MTAP: variants seen among roughly 807,000 people sequenced by gnomAD.
The protein encoded by MTAP is methylthioadenosine phosphorylase, also known as S-methyl-5'-thioadenosine phosphorylase.
Under a neutral mutation model 33.6 loss-of-function variants are expected in MTAP, and 33 were observed. That is an observed-to-expected ratio of 0.98 (90% CI 0.74 to 1.31). MTAP has a LOEUF of 1.31. Among genes scored for constraint, MTAP ranks in the 40% most tolerant of loss-of-function variants. MTAP has a pLI of 0.00. For synonymous variants in MTAP, 148 were observed against 125.7 expected (o/e 1.18, Z -1.19); for missense variants, 367 against 360.0 (o/e 1.02, Z -0.16).
chr9:21,861,681 C>T (rs1480215633), intron 7 of MTAP: 1 of 401,674 alleles, frequency 2.5e-6, no homozygotes, highest in East Asian at 4.8e-5. Flanking sequence ...GTTGCATAAA[C>T]AATAATCCAG....
Position 21,930,931 on chromosome 9 carries a change from G to A in MTAP, c.148-77G>A. 10 of 668,144 alleles carry A rather than the reference G, an allele frequency of 1.5e-5. No homozygotes were observed. In the South Asian group the frequency reaches 1.7e-4, roughly 11 times the overall value. The allele number at this position is 668,144 out of a possible 1,614,324, so 41.4% of individuals were successfully genotyped here. A position where few individuals can be genotyped will look rare whatever the true frequency, so the allele number is the denominator to read the frequency against. ...CTTCCCTTTTTAGGCCCACATGTTA[G>A]CCTCTACTTTTGCTCCTTTCAGTCC... On this transcript the variant is annotated intron_variant, in intron 1 of 1. Coordinates refer to the MTAP transcript ENST00000577563.
intron 1 of MTAP, among the ~76,000 whole-genome samples, chr9:21,918,931 A>G (rs796641743): frequency 3.0e-4 from 45 of 152,324 alleles, no homozygotes; most frequent in African/African-American, 1.0e-3. Flanking sequence ...GACTAATAAA[A>G]TGATACCTGT....
intron 1 of MTAP, among the ~76,000 whole-genome samples, chr9:21,920,147 C>G (rs886096779): frequency 2.6e-5 from 4 of 152,008 alleles, no homozygotes; most frequent in African/African-American, 9.7e-5. Flanking sequence ...GAGCGAAAAT[C>G]ATAGAGAAAT....
rs1234156338 is a variant in MTAP, at chr9:21,918,070, G to A, written c.148-12938G>A. ...TGCAAAGGCATAAGAGTGATTAATGGGCCGGGCGCGGTGGCTCCGCCTGTA... is the reference window on the plus strand; with the variant it reads ...TGCAAAGGCATAAGAGTGATTAATGAGCCGGGCGCGGTGGCTCCGCCTGTA... On this transcript the variant is annotated intron_variant, in intron 1 of 1. Transcript: ENST00000577563. Among the ~76,000 whole-genome samples the A allele has an allele frequency of 4.7e-5, 6 of 128,424 alleles. 2 individuals carry two copies. The highest frequency in any genetic ancestry group is 2.2e-4 in the African/African-American group (6 of 27,334). 84.3% of individuals were successfully genotyped at this position (128,424 alleles called of 152,430 possible).
At chr9:21,817,042 T>C (rs1303093371) in intron 3 of MTAP, among the ~76,000 whole-genome samples, 1 of 152,146 alleles carries the variant, frequency 6.6e-6, no homozygotes, top group Non-Finnish European at 1.5e-5. Context: ...CAAGAAGAAA[T>C]GTTTTGTTCA....
chr9:21,894,988 A>T (rs1818265541), intron 1 of MTAP, among the ~76,000 whole-genome samples: 2 of 152,210 alleles, frequency 1.3e-5, no homozygotes. Context: ...AAAGTTCTCC[A>T]CAAGGAGAAT....
chr9:21,804,365 T>G (rs1824150681), intron 1 of MTAP, among the ~76,000 whole-genome samples: 1 of 152,252 alleles, frequency 6.6e-6, no homozygotes, highest in South Asian at 2.1e-4. Context: ...CTTACTTTAA[T>G]CTGGTTAGCA....
chr9:21,853,653 T>C (rs1207697009), intron 5 of MTAP, among the ~76,000 whole-genome samples: 2 of 152,242 alleles, frequency 1.3e-5, no homozygotes, highest in Non-Finnish European at 2.9e-5. Flanking sequence ...GTGTAGAAGC[T>C]GCCAGTATTA....
rs181333185 is a variant in MTAP, at chr9:21,914,376, C to T, written c.148-16632C>T. On this transcript the variant is annotated intron_variant, in intron 1 of 1. Coordinates refer to the MTAP transcript ENST00000577563. Reference sequence around the variant, plus strand: ...ATTCACAATAGCAAAGACTTGGAACCGACCCAAATGTCCATCAATGATAGA... The same window carrying T: ...ATTCACAATAGCAAAGACTTGGAACTGACCCAAATGTCCATCAATGATAGA... 6.7e-4 allele frequency among the ~76,000 whole-genome samples: 102 copies of T among 152,136 alleles called. No individual in the cohort carries two copies. The Middle Eastern group carries it at 0.01, about 15-fold the overall frequency.
At chr9:21,829,748 A>T (rs182918114) in intron 4 of MTAP, among the ~76,000 whole-genome samples, 1 of 152,152 alleles carries the variant, frequency 6.6e-6, no homozygotes, top group African/African-American at 2.4e-5. Flanking sequence ...CTTTTCCTTC[A>T]GTGCCAGCAT....
At chr9:21,815,369 T>C (rs1824448744) in intron 1 of MTAP, 64 bp from the exon 2 acceptor site, 2 of 1,169,392 alleles carry the variant, frequency 1.7e-6, no homozygotes, top group East Asian at 2.5e-5. Context: ...TGAATTTGCT[T>C]AGAATCTTAT....
intron 4 of MTAP, among the ~76,000 whole-genome samples, chr9:21,835,063 C>T (rs1217495941): frequency 1.3e-5 from 2 of 152,124 alleles, no homozygotes; most frequent in Non-Finnish European, 1.5e-5. Context: ...AAAAAGTTGC[C>T]AGCAGATTTG....
At chr9:21,885,317 T>C (rs1818090981) in intron 1 of MTAP, among the ~76,000 whole-genome samples, 1 of 152,190 alleles carries the variant, frequency 6.6e-6, no homozygotes. Context: ...TCATGTATAC[T>C]CCAATATATT....
downstream of MTAP, among the ~76,000 whole-genome samples, chr9:21,870,116 C>T (rs939690923): frequency 5.3e-5 from 8 of 152,172 alleles, no homozygotes; most frequent in Non-Finnish European, 7.4e-5. Context: ...TACAGCAGCT[C>T]CTTCAGATCT....
chr9:21,913,269 G>C (rs1181859736), intron 1 of MTAP, among the ~76,000 whole-genome samples: 1 of 152,048 alleles, frequency 6.6e-6, no homozygotes, highest in Non-Finnish European at 1.5e-5. Flanking sequence ...CACAGAATTG[G>C]AAAAATTACT....
intron 4 of MTAP, among the ~76,000 whole-genome samples, chr9:21,832,392 C>T (rs138925246): frequency 7.2e-5 from 11 of 152,264 alleles, no homozygotes; most frequent in East Asian, 1.9e-4. Flanking sequence ...TAAAGAGTTA[C>T]GCAAGAAGCC....
At chr9:21,849,390 G>A (rs1164903023) in intron 5 of MTAP, among the ~76,000 whole-genome samples, 1 of 152,120 alleles carries the variant, frequency 6.6e-6, no homozygotes, top group Non-Finnish European at 1.5e-5. Flanking sequence ...GTTAAAGTAG[G>A]GGCTTATGAA....
intron 1 of MTAP, among the ~76,000 whole-genome samples, chr9:21,896,573 G>GA (rs1244701584): frequency 6.6e-6 from 1 of 152,122 alleles, no homozygotes; most frequent in African/African-American, 2.4e-5. Context: ...CGATCCCACA[G>GA]AAAAACAAAC....
downstream of MTAP, among the ~76,000 whole-genome samples, chr9:21,867,647 C>CTTG (rs1218520094): frequency 6.6e-6 from 1 of 151,416 alleles, no homozygotes; most frequent in East Asian, 1.9e-4. Context: ...GGTGTCAGGG[C>CTTG]TTGGTTAATT....
Sources: allele counts gnomAD v4.1 joint callset (sites outside exome capture counted in the v4.1 genomes callset), GRCh38; gene constraint gnomAD v4.1.1; transcripts MANE v1.5; gene names NCBI Gene and HGNC (gene_info 2026-07-23, HGNC 2026-07-21).